Variants in ZC3HAV1 observed in about 807,000 individuals in gnomAD.
The protein encoded by ZC3HAV1 is zinc finger CCCH-type antiviral protein 1.
Under a neutral mutation model 86.6 loss-of-function variants are expected in ZC3HAV1, and 41 were observed. That is an observed-to-expected ratio of 0.47 (90% confidence interval 0.37 to 0.61). The LOEUF is 0.61. ZC3HAV1 is among the 20% of genes least tolerant of loss of function. The pLI is 0.00. For synonymous variants in ZC3HAV1, 421 were observed against 432.1 expected, an observed-to-expected ratio of 0.97 and a Z score of 0.32; for missense variants, 964 against 1,141.1, an observed-to-expected ratio of 0.84 and a Z score of 2.24.
chr7:139,054,201 T>C, intron 10 of ZC3HAV1, 106 bp from the exon 11 acceptor site: 4 of 1,177,072 alleles, frequency 3.4e-6, no homozygotes, highest in Non-Finnish European at 4.5e-6. Flanking sequence ...CCAGGGTTCT[T>C]TCTAACAGCA....
chr7:139,083,054 C>A (rs1253699071), intron 3 of ZC3HAV1, among the ~76,000 whole-genome samples: 3 of 148,214 alleles, frequency 2.0e-5, no homozygotes, highest in African/African-American at 7.6e-5. Context: ...ATATCAAATG[C>A]TTTAAACACC....
At chr7:139,107,269 C>T (rs561059930) in intron 1 of ZC3HAV1, among the ~76,000 whole-genome samples, 1 of 152,276 alleles carries the variant, frequency 6.6e-6, no homozygotes, top group South Asian at 2.1e-4. Flanking sequence ...CCCAGCAACT[C>T]AGAAACAACC....
intron 5 of ZC3HAV1, among the ~76,000 whole-genome samples, chr7:139,078,299 T>C (rs1817015529): frequency 6.6e-6 from 1 of 152,036 alleles, no homozygotes; most frequent in South Asian, 2.1e-4. Context: ...TTGGTGAGGA[T>C]GTGGAGAAAT....
chr7:139,053,930 T>A (rs1424546883), intron 11 of ZC3HAV1, 35 bp downstream of exon 11: 1 of 1,589,956 alleles, frequency 6.3e-7, no homozygotes, highest in African/African-American at 1.4e-5. Flanking sequence ...CCTTTCCGGT[T>A]TTATGTAAAG....
rs1220946615 is a variant in ZC3HAV1 at position 139,109,293 on chromosome 7, G to A, written c.39C>T (p.Ile13=). The change falls in exon 1 of 13, where the codon ATC becomes ATT. Residue 13 remains isoleucine (I), a synonymous_variant. Transcript: ENST00000242351. ...CCATGCGGCCCCCGTGGGCGCACAG[G>A]ATTTTGGTGATGAAGCAGCACACCT... is the stretch of plus-strand genomic sequence containing the variant. The part of the protein sequence containing the change: ...DPEVCCFITK[I]LCAHGGRMAL... 1.2e-6 allele frequency: 2 copies of A among 1,609,892 alleles called. No homozygotes were observed. Among genetic ancestry groups the A allele is most frequent in the Non-Finnish European group, 1.7e-6 (2 of 1,178,784 alleles).
At chr7:139,096,618 T>C (rs1349181512) in intron 1 of ZC3HAV1, among the ~76,000 whole-genome samples, 1 of 152,164 alleles carries the variant, frequency 6.6e-6, no homozygotes, top group Non-Finnish European at 1.5e-5. Flanking sequence ...GTCTGTCACA[T>C]AAAAGTCATA....
intron 1 of ZC3HAV1, among the ~76,000 whole-genome samples, chr7:139,092,210 CA>C (rs1817457469): frequency 6.6e-6 from 1 of 152,170 alleles, no homozygotes; most frequent in Non-Finnish European, 1.5e-5. Flanking sequence ...AGCTCGCCAC[CA>C]TATCTTATCA....
chr7:139,084,609 T>G (rs372632385), intron 2 of ZC3HAV1, among the ~76,000 whole-genome samples: 102 of 152,330 alleles, frequency 6.7e-4, no homozygotes, highest in African/African-American at 2.4e-3. Context: ...TGGAGGATGC[T>G]GGTTTTAAAA....
chr7:139,100,769 T>TCC (rs1817728964), intron 1 of ZC3HAV1, among the ~76,000 whole-genome samples: 1 of 137,386 alleles, frequency 7.3e-6, no homozygotes, highest in South Asian at 2.3e-4. Context: ...TCCCTCTCTT[T>TCC]CCACGGTCTC....
intron 8 of ZC3HAV1, among the ~76,000 whole-genome samples, chr7:139,062,659 A>C (rs1207892407): frequency 6.6e-6 from 1 of 152,192 alleles, no homozygotes; most frequent in Non-Finnish European, 1.5e-5. Context: ...CAGCACCCAC[A>C]ACAGGAGCCA....
intron 12 of ZC3HAV1, among the ~76,000 whole-genome samples, chr7:139,051,877 G>A (rs1778871621): frequency 6.6e-6 from 1 of 152,106 alleles, no homozygotes; most frequent in South Asian, 2.1e-4. Flanking sequence ...TTTGGGGCAA[G>A]AATTGAATTT....
intron 8 of ZC3HAV1, among the ~76,000 whole-genome samples, chr7:139,062,428 G>A (rs948720585): frequency 3.3e-5 from 5 of 152,186 alleles, no homozygotes; most frequent in South Asian, 2.1e-4. Flanking sequence ...CTCCTGGAGC[G>A]CCCTCCTTCC....
intron 9 of ZC3HAV1, among the ~76,000 whole-genome samples, chr7:139,057,145 T>G (rs1816308257): frequency 6.6e-6 from 1 of 151,974 alleles, no homozygotes. Context: ...GCTCTGGAGT[T>G]TAAGACCTGC....
chr7:139,104,721 CAAAAAAAAAAAAAA>C (rs1157897700), intron 1 of ZC3HAV1, among the ~76,000 whole-genome samples: 1 of 19,260 alleles, frequency 5.2e-5, no homozygotes, highest in Non-Finnish European at 1.1e-4. Flanking sequence ...GACTCTGTCA[CAAAAAAAAAAAAAA>C]AAAAAAAAAA....
intron 2 of ZC3HAV1, among the ~76,000 whole-genome samples, chr7:139,089,243 G>T (rs1036029792): frequency 1.3e-5 from 2 of 152,128 alleles, no homozygotes; most frequent in African/African-American, 4.8e-5. Context: ...TTTTGAGGGG[G>T]TCTCTGTTAC....
At chr7:139,061,292 C>G (rs1352718594) in intron 8 of ZC3HAV1, among the ~76,000 whole-genome samples, 154 bp from the exon 9 acceptor site, 5 of 152,200 alleles carry the variant, frequency 3.3e-5, no homozygotes, top group Non-Finnish European at 7.3e-5. Flanking sequence ...GAGAATTGCT[C>G]ACAGTAAAAG....
chr7:139,061,085 G>T lies in ZC3HAV1; in HGVS notation c.2047C>A (p.Pro683Thr). 1.2e-6 allele frequency: 2 copies of T among 1,613,556 alleles called. No individual in the cohort carries two copies. Among genetic ancestry groups the T allele is most frequent in the Non-Finnish European group, 1.7e-6 (2 of 1,179,938 alleles). Residue 683 changes from proline to threonine, a missense_variant, in exon 9 of 13, where the codon CCA becomes ACA. Pro to Thr is a conservative substitution (Grantham distance 38, BLOSUM62 -1). Transcript: ENST00000242351. ...SKTQKDVIRR[P>T]TFVPQWYVQQ... ...ACATACCACTGAGGCACAAATGTTG[G>T]TCTTCTGATGACATCCTTTTGAGTT...
In ZC3HAV1 at chr7:139,091,789, G is replaced by A. The variant is rs1037870682; in HGVS notation, c.309-2030C>T. ...ACCGTGCCACCCTAATATTCTTCTT[G>A]ATATTGAGCTGAAAATGACCTCACT... On this transcript the variant is annotated intron_variant, in intron 1 of 12. Transcript: ENST00000242351. Among the ~76,000 whole-genome samples the A allele has an allele frequency of 3.9e-5, 6 of 152,114 alleles. No homozygotes were observed. The South Asian group carries it at 1.2e-3, about 32-fold the overall frequency.
In ZC3HAV1 at chr7:139,109,260, G is replaced by A. The variant is rs372284348; in HGVS notation, c.72C>T (p.Asp24=). ...LCAHGGRMAL[D]ALLQEIALSE... is the part of the protein sequence containing the mutation. ...ACAGCGCGATCTCCTGGAGCAGCGCGTCCAGGGCCATGCGGCCCCCGTGGG... is the reference window on the plus strand; with the variant it reads ...ACAGCGCGATCTCCTGGAGCAGCGCATCCAGGGCCATGCGGCCCCCGTGGG... Residue 24 remains aspartate (D), a synonymous_variant, in exon 1 of 13, where the codon GAC becomes GAT. Transcript: ENST00000242351. The A allele has an allele frequency of 1.7e-5, 27 of 1,612,130 alleles. No homozygotes were observed. The Middle Eastern group carries it at 5.3e-4, about 32-fold the overall frequency.
Sources: gnomAD v4.1 joint callset for allele counts (sites outside exome capture counted in the v4.1 genomes callset) on GRCh38, gnomAD v4.1.1 for gene constraint, MANE v1.5 for transcripts, NCBI Gene and HGNC (gene_info 2026-07-23, HGNC 2026-07-21) for gene names.